Variants in PEG3 observed in about 807,000 individuals in gnomAD.
The protein encoded by PEG3 is paternally-expressed gene 3 protein.
In PEG3, 23 loss-of-function variants were observed where a neutral mutation model predicts 35.5. That is an observed-to-expected ratio of 0.65 (90% confidence interval 0.47 to 0.92). PEG3 has a LOEUF of 0.92. PEG3 is among the 40% of genes least tolerant of loss of function. PEG3 has a pLI of 0.00. For synonymous variants in PEG3, 707 were observed against 697.0 expected (o/e 1.01, Z -0.23); for missense variants, 1,960 against 1,985.3 (o/e 0.99, Z 0.24).
chr19:56,839,143 T>C (rs534650169), intron 1 of PEG3, among the ~76,000 whole-genome samples: 14 of 151,330 alleles, frequency 9.3e-5, no homozygotes, highest in Middle Eastern at 7.0e-3. Flanking sequence ...GGCGCCCAGG[T>C]GGGTGGGGCT....
Position 56,817,157 on chromosome 19 carries a change from T to G in PEG3, c.1285A>C (p.Ser429Arg). The G allele has an allele frequency of 6.2e-7, 1 of 1,614,236 alleles. No individual in the cohort carries two copies. The highest frequency in any genetic ancestry group is 8.5e-7 in the Non-Finnish European group (1 of 1,180,040). The change falls in exon 10 of 10, where the codon AGC becomes CGC. Residue 429 changes from serine (S) to arginine (R), a missense_variant. Physicochemically the swap from Ser to Arg is moderately radical, Grantham distance 110. Transcript: ENST00000326441. ...GSEMRKAMSV[S>R]SLSSLSSPSF... ...GGGGAGCTGAGGCTGCTCAGGCTGC[T>G]CACGCTCATGGCTTTTCTCATCTCA...
Position 56,810,229 on chromosome 19 carries a change from G to T in PEG3, c.*3446C>A. 2 of 982,610 alleles carry T rather than the reference G, an allele frequency of 2.0e-6. No homozygotes were observed. The highest frequency in any genetic ancestry group is 2.4e-6 in the Non-Finnish European group (2 of 827,454). 60.9% of individuals were successfully genotyped at this position (982,610 alleles called of 1,614,324 possible). ...CACTCTTTGGATGGTGAAAACATGG[G>T]TGAGTTTCTCTTCTACATTTCTGTA... On this transcript the variant is annotated 3_prime_UTR_variant, in exon 10 of 10. Transcript: ENST00000326441.
intron 2 of PEG3, among the ~76,000 whole-genome samples, chr19:56,833,970 T>A (rs2061825450): frequency 6.6e-6 from 1 of 152,168 alleles, no homozygotes; most frequent in South Asian, 2.1e-4. Flanking sequence ...CAAAATCTCC[T>A]TGTTGTTGTC....
Position 56,815,246 on chromosome 19 carries a change from C to G in PEG3, c.3196G>C (p.Glu1066Gln). 2 of 1,614,194 alleles carry G rather than the reference C, an allele frequency of 1.2e-6. No individual in the cohort carries two copies. Among genetic ancestry groups the G allele is most frequent in the Non-Finnish European group, 1.7e-6 (2 of 1,180,026 alleles). Residue 1066 changes from glutamate to glutamine, a missense_variant, in exon 10 of 10, where the codon GAG becomes CAG. By Grantham distance (29) the Glu-to-Gln change is conservative (BLOSUM62 2). Around this residue, in one of 5 missense-constraint regions of PEG3, gnomAD observed 798 missense variants for 782.4 expected, o/e 1.02. Transcript: ENST00000326441. ...EKSHGEESQG[E>Q]NTDGEETHSE... ...TGGGTCTCCTCCCCATCAGTATTCT[C>G]GCCTTGAGACTCCTCGCCATGAGAC...
chr19:56,819,343 C>A (rs1156424136), intron 7 of PEG3, among the ~76,000 whole-genome samples: 3 of 152,208 alleles, frequency 2.0e-5, no homozygotes, highest in Admixed American at 2.0e-4. Flanking sequence ...GCCCTGAGGG[C>A]ATTTTTATAA....
chr19:56,825,933 G>A (rs1348259216), intron 3 of PEG3, among the ~76,000 whole-genome samples: 2 of 152,190 alleles, frequency 1.3e-5, no homozygotes, highest in Non-Finnish European at 2.9e-5. Context: ...ACTCGTCTCA[G>A]TGATGGGCTC....
intron 7 of PEG3, among the ~76,000 whole-genome samples, chr19:56,819,056 G>A (rs1305344033): frequency 6.6e-6 from 1 of 152,222 alleles, no homozygotes; most frequent in African/African-American, 2.4e-5. Flanking sequence ...TTCAGGGTGG[G>A]CCTGAACAGT....
rs761156701 is a variant in PEG3 at position 56,817,450 on chromosome 19, G to T, written c.992C>A (p.Ala331Glu). 3 of 1,613,330 alleles carry T rather than the reference G, an allele frequency of 1.9e-6. No homozygotes were observed. In the African/African-American group the frequency reaches 4.0e-5, roughly 22 times the overall value. Residue 331 changes from alanine (A) to glutamate (E), a missense_variant, in exon 10 of 10, where the codon GCA becomes GAA. Ala to Glu is a moderately radical substitution (Grantham distance 107). Transcript: ENST00000326441. ...CTGTGACCGGTCGCTTGACTCCCTTGCTCTTCCCGATTTGGAACTGCGTGA... is the reference window on the plus strand; with the variant it reads ...CTGTGACCGGTCGCTTGACTCCCTTTCTCTTCCCGATTTGGAACTGCGTGA... ...DVSRSSKSGR[A>E]RESSDRSQRF...
chr19:56,826,196 G>A (rs1373274711), intron 3 of PEG3, among the ~76,000 whole-genome samples, 192 bp downstream of exon 3: 1 of 152,206 alleles, frequency 6.6e-6, no homozygotes, highest in African/African-American at 2.4e-5. Context: ...GATGATTGGT[G>A]TGACATTTCA....
At chr19:56,840,543 C>T (rs12973605) in intron 1 of PEG3, 39 bp downstream of exon 1, 14,537 of 152,342 alleles carry the variant, frequency 0.095, 884 homozygotes, top group Middle Eastern at 0.16. Context: ...CAAGGTCCCG[C>T]GGGCAGGAGG....
chr19:56,836,564 T>C (rs1056945619), intron 1 of PEG3, among the ~76,000 whole-genome samples: 52 of 152,220 alleles, frequency 3.4e-4, no homozygotes, highest in African/African-American at 1.2e-3. Context: ...CCTCAGAGTA[T>C]GTGTTCAATC....
rs1322922841 is a variant in PEG3 at position 56,814,064 on chromosome 19, C to T, written c.4378G>A (p.Asp1460Asn). The T allele has an allele frequency of 6.2e-7, 1 of 1,614,044 alleles. No homozygotes were observed. Among genetic ancestry groups the T allele is most frequent in the East Asian group, 2.2e-5 (1 of 44,874 alleles). Residue 1460 changes from aspartate to asparagine, a missense_variant, in exon 10 of 10, where the codon GAC becomes AAC. Physicochemically the swap from Asp to Asn is conservative, Grantham distance 23 (BLOSUM62 1). This residue lies in a region of PEG3 where 416 missense variants were observed against 416.7 expected (regional missense o/e 1.00). Transcript: ENST00000326441. The surrounding 1 kb of genome is among the most constrained non-coding windows in gnomAD (Gnocchi z 5.8). ...GGCTCTTCAGCTCTTTCTTCTGGGT[C>T]TTCAATACCTGCACCATCTGGCTCA... ...ADEPDGAGIE[D>N]PEERAEEPEG...
rs138418082 is a variant in PEG3, at chr19:56,818,647, T to C, written c.725A>G (p.Asn242Ser). Residue 242 changes from asparagine to serine, a missense_variant, in exon 8 of 10, where the codon AAC becomes AGC. By Grantham distance (46) the Asn-to-Ser change is conservative. This residue lies in a region of PEG3 where 613 missense variants were observed against 577.1 expected (regional missense o/e 1.06). Transcript: ENST00000326441. Reference protein sequence around the residue: ...VDLAEDRKPHNTIQDNMENYR... With the variant: ...VDLAEDRKPHSTIQDNMENYR... Reference sequence around the variant, plus strand: ...GTTTTCCATGTTGTCCTGGATTGTGTTGTGAGGTTTCCTGTCCTCAGCGAG... The same window carrying C: ...GTTTTCCATGTTGTCCTGGATTGTGCTGTGAGGTTTCCTGTCCTCAGCGAG... 3,765 of 1,614,212 alleles carry C rather than the reference T, an allele frequency of 2.3e-3. 10 individuals carry two copies. The highest frequency in any genetic ancestry group is 4.1e-3 in the Middle Eastern group (25 of 6,050).
At chr19:56,829,347 A>C (rs2061366936) in intron 2 of PEG3, among the ~76,000 whole-genome samples, 1 of 151,802 alleles carries the variant, frequency 6.6e-6, no homozygotes, top group Non-Finnish European at 1.5e-5. Context: ...CCATCTCAAA[A>C]AAAAAAAAAA....
chr19:56,833,504 A>C (rs1209761545), intron 2 of PEG3: 1 of 266,278 alleles, frequency 3.8e-6, no homozygotes, highest in Non-Finnish European at 7.4e-6. Context: ...CCCAGTTTAA[A>C]TGCCCGACAC....
At chr19:56,819,251 C>A (rs372484521) in intron 7 of PEG3, among the ~76,000 whole-genome samples, 1 of 152,208 alleles carries the variant, frequency 6.6e-6, no homozygotes, top group Non-Finnish European at 1.5e-5. Context: ...ACCTCCCTCC[C>A]GGTTTCTCCA....
At chr19:56,837,322 C>A (rs992226803) in intron 1 of PEG3, among the ~76,000 whole-genome samples, 1 of 152,200 alleles carries the variant, frequency 6.6e-6, no homozygotes, top group Non-Finnish European at 1.5e-5. Context: ...GGACCACCCG[C>A]AGCCCTGAAT....
chr19:56,831,168 T>C (rs1427323928), intron 2 of PEG3, among the ~76,000 whole-genome samples: 1 of 152,124 alleles, frequency 6.6e-6, no homozygotes, highest in East Asian at 1.9e-4. Flanking sequence ...GTAAAATGAC[T>C]CCAACACACA....
Position 56,818,689 on chromosome 19 carries a change from T to C in PEG3, c.683A>G (p.Tyr228Cys). 6.2e-7 allele frequency: 1 copy of C among 1,614,196 alleles called. No homozygotes were observed. The highest frequency in any genetic ancestry group is 1.1e-5 in the South Asian group (1 of 91,080). The change falls in exon 8 of 10, where the codon TAC (tyrosine) becomes TGC (cysteine). Residue 228 changes from tyrosine (Y) to cysteine (C), a missense_variant. By Grantham distance (194) the Tyr-to-Cys change is radical. Transcript: ENST00000326441. ...CTCAGCGAGGTCCACCACATTTTGG[T>C]ATGATTCAGCATCCTAAAACAGCAA... ...YESRSQDAES[Y>C]QNVVDLAEDR...
Sources: allele counts gnomAD v4.1 joint callset (sites outside exome capture counted in the v4.1 genomes callset), GRCh38; gene constraint gnomAD v4.1.1; regional missense constraint gnomAD v4.1.1; non-coding constraint Gnocchi (gnomAD v3.1); transcripts MANE v1.5; gene names NCBI Gene and HGNC (gene_info 2026-07-23, HGNC 2026-07-21).